Variants in STIM1 observed in about 807,000 individuals in gnomAD.
The protein encoded by STIM1 is stromal interaction molecule 1.
A neutral mutation model predicts 74.7 loss-of-function variants in STIM1; 25 were observed. That is an observed-to-expected ratio of 0.33 (90% CI 0.24 to 0.47). The LOEUF (loss-of-function observed/expected upper bound fraction) is 0.47. Among genes scored for constraint, STIM1 ranks in the 20% least tolerant of loss-of-function variants. The pLI is 1.00. For synonymous variants in STIM1, 328 were observed against 348.8 expected (o/e 0.94, Z 0.66); for missense variants, 728 against 920.8 (o/e 0.79, Z 2.71).
intron 9 of STIM1, 60 bp downstream of exon 9, chr11:4,083,042 A>C (rs59178256): frequency 3.5e-6 from 5 of 1,447,310 alleles, no homozygotes; most frequent in Admixed American, 1.7e-5. Context: ...ATTTGAGGGC[A>C]TACAGGGCCT....
At chr11:4,033,467 A>G (rs1306747937) in intron 3 of STIM1, among the ~76,000 whole-genome samples, 1 of 152,198 alleles carries the variant, frequency 6.6e-6, no homozygotes, top group Non-Finnish European at 1.5e-5. Flanking sequence ...TTATCTGCCA[A>G]TAAAGACAGT....
chr11:3,993,874 T>G lies in STIM1; in HGVS notation c.270+26192T>G, dbSNP rs150882027. 2.3e-3 allele frequency among the ~76,000 whole-genome samples: 345 copies of G among 152,334 alleles called. 2 individuals are homozygous for G. The highest frequency in any genetic ancestry group is 7.8e-3 in the African/African-American group (323 of 41,564). On this transcript the variant is annotated intron_variant, in intron 2 of 12. Transcript: ENST00000526596. ...TTTTATTATTTAATCACTTATTGTT[T>G]TATTATTTATTGCCTAGAATATAAA... is the stretch of plus-strand genomic sequence containing the variant.
intron 3 of STIM1, among the ~76,000 whole-genome samples, chr11:4,048,361 G>T (rs2094210436): frequency 6.6e-6 from 1 of 152,148 alleles, no homozygotes; most frequent in Non-Finnish European, 1.5e-5. Context: ...CAAAGTTTAA[G>T]TCACTGTGTA....
At chr11:4,015,454 T>A (rs1417896005) in intron 2 of STIM1, among the ~76,000 whole-genome samples, 3 of 152,182 alleles carry the variant, frequency 2.0e-5, no homozygotes, top group Non-Finnish European at 4.4e-5. Context: ...TAACCCGACC[T>A]CTCTCTCTGG....
intron 1 of STIM1, among the ~76,000 whole-genome samples, chr11:3,959,439 T>G (rs1452224156): frequency 6.6e-6 from 1 of 152,146 alleles, no homozygotes; most frequent in African/African-American, 2.4e-5. Flanking sequence ...CACACATTCT[T>G]CATTCATTCA....
chr11:3,941,673 T>TATAGAGAGAGAGAGAGAGAGAGAG (rs141623520), intron 1 of STIM1, among the ~76,000 whole-genome samples: 3 of 90,738 alleles, frequency 3.3e-5, no homozygotes, highest in African/African-American at 1.1e-4. Context: ...TATATATATA[T>TATAGAGAGAGAGAGAGAGAGAGAG]AGAGAGAGAG....
intron 9 of STIM1, 127 bp downstream of exon 9, chr11:4,083,109 G>T: frequency 8.5e-7 from 1 of 1,177,372 alleles, no homozygotes; most frequent in Non-Finnish European, 1.3e-6. Context: ...TCCTGCCTCA[G>T]CCTTTATTTA....
intron 1 of STIM1, among the ~76,000 whole-genome samples, chr11:3,900,280 C>G (rs58338002): frequency 6.6e-6 from 1 of 152,234 alleles, no homozygotes; most frequent in African/African-American, 2.4e-5. Flanking sequence ...TTTTTAAGCC[C>G]GTGGGAAAAG....
chr11:3,863,219 CATGTGTGTGT>C (rs2090701664), intron 1 of STIM1, among the ~76,000 whole-genome samples: 3 of 103,970 alleles, frequency 2.9e-5, no homozygotes, highest in African/African-American at 8.0e-5. Flanking sequence ...TGAGACAATG[CATGTGTGTGT>C]GTGTGTGTGT....
intron 2 of STIM1, among the ~76,000 whole-genome samples, chr11:4,002,284 A>AT (rs2093726182): frequency 2.0e-5 from 3 of 152,002 alleles, no homozygotes; most frequent in South Asian, 4.2e-4. Flanking sequence ...CAGAATATAC[A>AT]TTTTTTTCAG....
At chr11:3,924,175 T>C (rs1336933100) in intron 1 of STIM1, among the ~76,000 whole-genome samples, 1 of 150,824 alleles carries the variant, frequency 6.6e-6, no homozygotes, top group Non-Finnish European at 1.5e-5. Context: ...TGTCTTGTAG[T>C]GGTCTTATAT....
chr11:3,891,283 A>T lies in STIM1; in HGVS notation c.139+34874A>T, dbSNP rs1376422451. ...TTTTTTATTGTTTTAAATAAAAAAA[A>T]TTTTATTTTTCATGTTTTTTTTTTG... is the stretch of plus-strand genomic sequence containing the variant. On this transcript the variant is annotated intron_variant, in intron 1 of 12. Coordinates refer to ENST00000526596, the MANE Select transcript of STIM1 (RefSeq NM_001382567.1). Among the ~76,000 whole-genome samples, 8 of 149,250 alleles carry T rather than the reference A, an allele frequency of 5.4e-5. No homozygotes were observed. In the East Asian group the frequency reaches 1.2e-3, roughly 22 times the overall value.
intron 2 of STIM1, among the ~76,000 whole-genome samples, chr11:3,970,566 A>C (rs1208278699): frequency 6.6e-6 from 1 of 151,664 alleles, no homozygotes; most frequent in Non-Finnish European, 1.5e-5. Context: ...CATTCATAAA[A>C]CTTTTATTCC....
intron 1 of STIM1, among the ~76,000 whole-genome samples, chr11:3,958,243 A>C (rs1397926175): frequency 6.6e-6 from 1 of 152,212 alleles, no homozygotes; most frequent in Admixed American, 6.5e-5. Context: ...GTGCAGTGGC[A>C]AAAGCCTATA....
intron 2 of STIM1, among the ~76,000 whole-genome samples, chr11:3,992,773 A>T (rs575622928): frequency 2.0e-5 from 3 of 152,334 alleles, no homozygotes; most frequent in Non-Finnish European, 4.4e-5. Context: ...TGTGCACTAG[A>T]TGGATTCTAA....
intron 10 of STIM1, chr11:4,083,717 GT>G: frequency 1.7e-6 from 1 of 588,380 alleles, no homozygotes; most frequent in Non-Finnish European, 3.0e-6. Flanking sequence ...GCCCCTTTGG[GT>G]CTATTGTGCT....
chr11:4,000,425 C>T (rs1173100825), intron 2 of STIM1, among the ~76,000 whole-genome samples: 8 of 151,972 alleles, frequency 5.3e-5, no homozygotes, highest in Non-Finnish European at 1.0e-4. Flanking sequence ...ATTCGCGGAT[C>T]ATGAAAATCC....
intron 1 of STIM1, among the ~76,000 whole-genome samples, chr11:3,949,174 G>T (rs188243980): frequency 5.8e-4 from 89 of 152,282 alleles, no homozygotes; most frequent in African/African-American, 1.8e-3. Flanking sequence ...AACCCCGGGG[G>T]TCAGTATAGA....
chr11:3,924,853 A>G (rs902075130), intron 1 of STIM1, among the ~76,000 whole-genome samples: 2 of 152,176 alleles, frequency 1.3e-5, no homozygotes, highest in Non-Finnish European at 2.9e-5. Flanking sequence ...GTCTTATGCT[A>G]TGGAGGATAT....
Sources: gnomAD v4.1 joint callset for allele counts (sites outside exome capture counted in the v4.1 genomes callset) on GRCh38, gnomAD v4.1.1 for gene constraint, MANE v1.5 for transcripts, NCBI Gene and HGNC (gene_info 2026-07-23, HGNC 2026-07-21) for gene names.